The following FAT4 variants were observed in gnomAD, a reference collection of about 807,000 sequenced individuals.
FAT4 encodes the protein FAT atypical cadherin 4.
A neutral mutation model predicts 303.9 loss-of-function variants in FAT4; 84 were observed. The ratio of observed to expected loss-of-function variants is 0.28; its 90% CI spans 0.23 to 0.33. FAT4 has a LOEUF of 0.33. Among genes scored for constraint, FAT4 ranks in the 10% least tolerant of loss-of-function variants. The pLI, the probability that FAT4 is intolerant of heterozygous loss-of-function variation, is 1.00. For synonymous variants in FAT4, 2,307 were observed against 2,298.8 expected, an observed-to-expected ratio of 1.00 and a Z score of -0.10; for missense variants, 6,005 against 6,146.8, an observed-to-expected ratio of 0.98 and a Z score of 0.77.
intron 14 of FAT4, chr4:125,477,542 TAC>T (rs1291878092): frequency 7.1e-6 from 2 of 282,202 alleles, no homozygotes; most frequent in Non-Finnish European, 1.1e-5. Flanking sequence ...TAGATTCTTA[TAC>T]ATATATATAT....
At chr4:125,337,644 A>T (rs1040433674) in intron 2 of FAT4, among the ~76,000 whole-genome samples, 1 of 152,096 alleles carries the variant, frequency 6.6e-6, no homozygotes, top group Non-Finnish European at 1.5e-5. Context: ...ATTATATGTT[A>T]AAACACTTAT....
chr4:125,346,910 T>G (rs974073847), intron 2 of FAT4, among the ~76,000 whole-genome samples: 1 of 152,058 alleles, frequency 6.6e-6, no homozygotes, highest in African/African-American at 2.4e-5. Flanking sequence ...GTCTTGAAGC[T>G]GATTGACTTT....
rs185416278 is a variant in FAT4 at position 125,327,921 on chromosome 4, G to A, written c.5175+6335G>A. On this transcript the variant is annotated intron_variant, in intron 2 of 17. Transcript: ENST00000394329. ...CCTAAGAACCTCATTAGTTGTGAGG[G>A]ACTGTTGCATTAGTGACTGTAGCAA... 6.2e-4 allele frequency among the ~76,000 whole-genome samples: 95 copies of A among 152,248 alleles called. No homozygotes were observed. The East Asian group carries it at 0.017, about 27-fold the overall frequency.
At chr4:125,411,811 A>G (rs1734854535) in intron 5 of FAT4, among the ~76,000 whole-genome samples, 1 of 143,186 alleles carries the variant, frequency 7.0e-6, no homozygotes, top group Admixed American at 7.3e-5. Flanking sequence ...CTGAAATACT[A>G]TATATAGATA....
chr4:125,376,670 T>G (rs188980171), intron 2 of FAT4, among the ~76,000 whole-genome samples: 39 of 152,158 alleles, frequency 2.6e-4, no homozygotes, highest in African/African-American at 9.4e-4. Context: ...GAGGCTGAGA[T>G]AGGCGGATCA....
intron 2 of FAT4, among the ~76,000 whole-genome samples, chr4:125,351,470 T>A (rs949078846): frequency 1.3e-5 from 2 of 151,806 alleles, no homozygotes; most frequent in African/African-American, 2.4e-5. Context: ...TATCCTCTGC[T>A]GTCTCTTAAG....
intron 7 of FAT4, among the ~76,000 whole-genome samples, chr4:125,420,259 C>G (rs1280254128): frequency 6.6e-6 from 1 of 152,094 alleles, no homozygotes; most frequent in Non-Finnish European, 1.5e-5. Flanking sequence ...TTATCCTTCT[C>G]TATCAGATTT....
chr4:125,489,847 CTTTT>C (rs60144993), intron 17 of FAT4, 50 bp from the exon 18 acceptor site: 24,882 of 444,150 alleles, frequency 0.056, 3 homozygotes, highest in Middle Eastern at 0.078. Flanking sequence ...AGTATAAGCT[CTTTT>C]TTTTTTTTTT....
At position 125,448,603 on chromosome 4, in the gene FAT4, C is replaced by T. The variant is rs367971071; in HGVS notation, c.7593C>T (p.Asn2531=). ...RGAIMAAGPL[N]GASEVTFSVH... ...CCATTATGGCCGCCGGACCACTAAACGGAGCTTCAGAAGTGACATTTTCTG... is the reference window on the plus strand; with the variant it reads ...CCATTATGGCCGCCGGACCACTAAATGGAGCTTCAGAAGTGACATTTTCTG... The change falls in exon 10 of 18, where the codon AAC becomes AAT. Residue 2531 remains asparagine (N), a synonymous_variant. Coordinates refer to ENST00000394329, the MANE Select transcript of FAT4 (RefSeq NM_001291303.3). 3.1e-5 allele frequency: 50 copies of T among 1,613,826 alleles called. No individual in the cohort carries two copies. The South Asian group carries it at 3.4e-4, about 11-fold the overall frequency.
At chr4:125,349,195 G>A (rs531698466) in intron 2 of FAT4, among the ~76,000 whole-genome samples, 2 of 151,860 alleles carry the variant, frequency 1.3e-5, no homozygotes, top group Admixed American at 1.3e-4. Flanking sequence ...TACTGAAACT[G>A]CATTTGTTTT....
At chr4:125,355,289 A>T (rs1732382750) in intron 2 of FAT4, among the ~76,000 whole-genome samples, 1 of 151,980 alleles carries the variant, frequency 6.6e-6, no homozygotes, top group South Asian at 2.1e-4. Context: ...TAAGGTGGAT[A>T]TGAGAGTTGG....
intron 16 of FAT4, 111 bp downstream of exon 16, chr4:125,481,849 C>G: frequency 1.2e-6 from 1 of 864,826 alleles, no homozygotes; most frequent in Non-Finnish European, 1.8e-6. Context: ...ATTAGAGTTC[C>G]GACTAATGCT....
In FAT4 at chr4:125,452,278, T is replaced by C. The variant is rs760611877; in HGVS notation, c.11268T>C (p.Tyr3756=). Residue 3756 remains tyrosine, a synonymous_variant, in exon 10 of 18, where the codon TAT becomes TAC. Coordinates refer to ENST00000394329, the MANE Select transcript of FAT4 (RefSeq NM_001291303.3). ...LGTAVQLYSA[Y]EENNRTFLLA... ...CTGCTGTGCAACTGTACAGTGCATA[T>C]GAAGAGAACAATAGAACGTTTCTTT... 6.2e-7 allele frequency: 1 copy of C among 1,614,232 alleles called. No individual in the cohort carries two copies. Among genetic ancestry groups the C allele is most frequent in the South Asian group, 1.1e-5 (1 of 91,090 alleles).
intron 2 of FAT4, among the ~76,000 whole-genome samples, chr4:125,323,021 T>C (rs912096728): frequency 6.6e-6 from 1 of 152,148 alleles, no homozygotes; most frequent in Non-Finnish European, 1.5e-5. Context: ...TTTGAAGTTA[T>C]CCATCTTCTA....
At chr4:125,476,062 A>C (rs188331021) in intron 12 of FAT4, 109 bp from the exon 13 acceptor site, 1 of 519,422 alleles carries the variant, frequency 1.9e-6, no homozygotes, top group Admixed American at 2.9e-5. Context: ...ATGTTATCAT[A>C]GTTTCTAAGT....
At chr4:125,384,328 A>T (rs941502865) in intron 2 of FAT4, among the ~76,000 whole-genome samples, 1 of 152,102 alleles carries the variant, frequency 6.6e-6, no homozygotes, top group East Asian at 1.9e-4. Flanking sequence ...ACTCACCAAC[A>T]CTTGTTATTA....
At position 125,449,555 on chromosome 4, in the gene FAT4, G is replaced by T. The variant is rs181821271; in HGVS notation, c.8545G>T (p.Ala2849Ser). The T allele has an allele frequency of 6.2e-7, 1 of 1,613,200 alleles. No individual in the cohort carries two copies. The highest frequency in any genetic ancestry group is 2.2e-5 in the East Asian group (1 of 44,810). ...AGACCGTTACAGAATTCGAGTTTCC[G>T]CACATGATTCTGGGTGGACTGTAAG... ...DTDRYRIRVS[A>S]HDSGWTVSTD... The change falls in exon 10 of 18, where the codon GCA becomes TCA. Residue 2849 changes from alanine to serine, a missense_variant. Ala to Ser is a moderately conservative substitution (Grantham distance 99, BLOSUM62 1). Coordinates refer to ENST00000394329, the MANE Select transcript of FAT4 (RefSeq NM_001291303.3).
chr4:125,319,211 C>G lies in FAT4; in HGVS notation c.2800C>G (p.Gln934Glu). The G allele has an allele frequency of 6.2e-7, 1 of 1,614,110 alleles. No individual in the cohort carries two copies. The highest frequency in any genetic ancestry group is 8.5e-7 in the Non-Finnish European group (1 of 1,180,030). ...TGGCATGGTACTCTATAGTCTGAAG[C>G]AAAACCCCAAGAACCTGTTTGCTAT... ...VNGMVLYSLKQNPKNLFAINE... is the reference protein window; with the variant it reads ...VNGMVLYSLKENPKNLFAINE... The change falls in exon 2 of 18, where the codon CAA becomes GAA. Residue 934 changes from glutamine (Q) to glutamate (E), a missense_variant. By Grantham distance (29) the Gln-to-Glu change is conservative. Coordinates refer to ENST00000394329, the MANE Select transcript of FAT4 (RefSeq NM_001291303.3).
At chr4:125,414,616 A>G (rs1397344670) in intron 5 of FAT4, among the ~76,000 whole-genome samples, 1 of 152,160 alleles carries the variant, frequency 6.6e-6, no homozygotes, top group African/African-American at 2.4e-5. Flanking sequence ...GTGTTGGACC[A>G]TCAGGAATTA....
Sources: allele counts gnomAD v4.1 joint callset (sites outside exome capture counted in the v4.1 genomes callset), GRCh38; gene constraint gnomAD v4.1.1; transcripts MANE v1.5; gene names NCBI Gene and HGNC (gene_info 2026-07-23, HGNC 2026-07-21).